The following CARS2 variants were observed in gnomAD, a reference collection of about 807,000 sequenced individuals.
The protein encoded by CARS2 is cysteinyl-tRNA synthetase 2, mitochondrial.
In CARS2, 52 loss-of-function variants were observed where a neutral mutation model predicts 68.8. The ratio of observed to expected loss-of-function variants is 0.76; its 90% confidence interval spans 0.61 to 0.95. The LOEUF is 0.95. CARS2 is among the 40% of genes least tolerant of loss of function. CARS2 has a pLI of 0.00. For synonymous variants in CARS2, 314 were observed against 303.6 expected (o/e 1.03, Z -0.36); for missense variants, 780 against 754.2 (o/e 1.03, Z -0.40).
chr13:110,685,825 A>T (rs571264769), intron 5 of CARS2, among the ~76,000 whole-genome samples: 1 of 152,234 alleles, frequency 6.6e-6, no homozygotes, highest in South Asian at 2.1e-4. Flanking sequence ...CAAAGCAGCA[A>T]AACAGCAAGA....
chr13:110,692,878 A>G (rs150089566), intron 3 of CARS2, among the ~76,000 whole-genome samples: 5,233 of 152,046 alleles, frequency 0.034, 314 homozygotes, highest in African/African-American at 0.12. Context: ...TTGGGAGGAC[A>G]AGGTGGGCAG....
At chr13:110,686,438 G>T (rs1303463188) in intron 5 of CARS2, among the ~76,000 whole-genome samples, 1 of 151,788 alleles carries the variant, frequency 6.6e-6, no homozygotes, top group African/African-American at 2.4e-5. Context: ...GTAGAGAAGG[G>T]GTCTCTCCAT....
intron 9 of CARS2, among the ~76,000 whole-genome samples, chr13:110,662,091 T>G (rs987558779): frequency 6.6e-6 from 1 of 152,234 alleles, no homozygotes; most frequent in Non-Finnish European, 1.5e-5. Context: ...AAACCTTCAA[T>G]CTGTAAAGAC....
At chr13:110,710,617 C>A (rs374693544), upstream of CARS2, among the ~76,000 whole-genome samples, 24 of 152,292 alleles carry the variant, frequency 1.6e-4, no homozygotes, top group African/African-American at 5.5e-4. Context: ...AAATTAAGCA[C>A]CTTTCTTCAA....
chr13:110,651,681 C>A (rs938796617), intron 9 of CARS2, among the ~76,000 whole-genome samples: 15 of 152,358 alleles, frequency 9.8e-5, no homozygotes, highest in Non-Finnish European at 1.9e-4. Context: ...CTGGTTAAAC[C>A]TAAGTAAAAC....
chr13:110,705,223 C>T lies in CARS2; in HGVS notation c.275+298G>A, dbSNP rs550923052. Among the ~76,000 whole-genome samples the T allele has an allele frequency of 2.0e-5, 3 of 152,248 alleles. No individual in the cohort carries two copies. Among genetic ancestry groups the T allele is most frequent in the African/African-American group, 7.2e-5 (3 of 41,546 alleles). On this transcript the variant is annotated intron_variant, in intron 2 of 14. Coordinates refer to ENST00000257347, the MANE Select transcript of CARS2 (RefSeq NM_024537.4). The surrounding 1 kb of genome is among the most constrained non-coding windows in gnomAD (Gnocchi z 4.0). The stretch of plus-strand genomic sequence containing the variant: ...CCAGGAATGACTGATCAGCAGGACC[C>T]CGGGACCCCGCAAAGGCCTCTTGAT...
intron 12 of CARS2, 72 bp from the exon 13 acceptor site, chr13:110,644,555 C>T: frequency 6.3e-7 from 1 of 1,593,592 alleles, no homozygotes; most frequent in Non-Finnish European, 8.6e-7. Flanking sequence ...AATTCAATGT[C>T]AAAAGACAAA....
chr13:110,664,805 G>T, intron 8 of CARS2: 1 of 338,286 alleles, frequency 3.0e-6, no homozygotes, highest in Non-Finnish European at 4.2e-6. Flanking sequence ...AATGGAATCA[G>T]TGCTCTCATA....
In CARS2 at chr13:110,705,860, C is replaced by A. The variant is rs569593326; in HGVS notation, c.224+10G>T. 10 of 1,550,034 alleles carry A rather than the reference C, an allele frequency of 6.5e-6. No individual in the cohort carries two copies. In the East Asian group the frequency reaches 2.2e-4, roughly 34 times the overall value. On this transcript the variant is annotated intron_variant, in intron 1 of 14. Transcript: ENST00000257347. This position sits in a 1 kb window ranked among gnomAD's most constrained non-coding sequence, Gnocchi z 4.0. ...GGCCCCCGCCCGTGCCCCAGTCCCG[C>A]GCGGCCCACCAGGAGGCGGCTTCGG...
chr13:110,660,397 C>A (rs1300317942), intron 9 of CARS2, among the ~76,000 whole-genome samples: 2 of 152,176 alleles, frequency 1.3e-5, no homozygotes, highest in African/African-American at 4.8e-5. Flanking sequence ...TGAATCCTTT[C>A]CAGAAGGTTT....
upstream of CARS2, among the ~76,000 whole-genome samples, chr13:110,709,801 T>C (rs987149783): frequency 6.6e-6 from 1 of 152,138 alleles, no homozygotes; most frequent in Non-Finnish European, 1.5e-5. Flanking sequence ...TAATACACCA[T>C]ATATACATAA....
In CARS2 at chr13:110,663,446, G is replaced by T; in HGVS notation, c.987+5C>A. 1 of 1,611,882 alleles carries T rather than the reference G, an allele frequency of 6.2e-7. No individual in the cohort carries two copies. The highest frequency in any genetic ancestry group is 8.5e-7 in the Non-Finnish European group (1 of 1,179,106). ...CTCAGAGATACAATACAAAAAGCAC[G>T]TTACCTTAATAGTAATGTAGTTCTT... On this transcript the variant is annotated splice_donor_5th_base_variant and intron_variant, in intron 9 of 14. Transcript: ENST00000257347.
rs764102418 is a variant in CARS2, at chr13:110,647,258, T to A, written c.1055-19A>T. On this transcript the variant is annotated intron_variant, in intron 10 of 14. Coordinates refer to ENST00000257347, the MANE Select transcript of CARS2 (RefSeq NM_024537.4). ...TCGATGGCTGAGGAGGAAGAGATGG[T>A]CACTGAGGCGGTGCCCACCATGCTG... 2 of 1,608,040 alleles carry A rather than the reference T, an allele frequency of 1.2e-6. No individual in the cohort carries two copies. Among genetic ancestry groups the A allele is most frequent in the African/African-American group, 2.7e-5 (2 of 74,852 alleles).
chr13:110,658,947 A>G (rs1195233315), intron 9 of CARS2, among the ~76,000 whole-genome samples: 1 of 152,146 alleles, frequency 6.6e-6, no homozygotes, highest in Non-Finnish European at 1.5e-5. Flanking sequence ...ACAAAAAAAG[A>G]AAAACAGACT....
At chr13:110,643,056 T>C (rs562240291) in intron 13 of CARS2, 8 of 311,088 alleles carry the variant, frequency 2.6e-5, no homozygotes, top group East Asian at 1.8e-4. Context: ...TAAATCCATG[T>C]GTGTAAAATA....
chr13:110,706,574 ACACGTCAGCACC>A (rs1054998831), upstream of CARS2: 9 of 152,566 alleles, frequency 5.9e-5, no homozygotes, highest in African/African-American at 1.9e-4. Flanking sequence ...ACCCCAGAAC[ACACGTCAGCACC>A]CCAATACAGT....
At chr13:110,679,597 A>AAGAAAGAAAG (rs1312030282) in intron 6 of CARS2, among the ~76,000 whole-genome samples, 12 of 43,696 alleles carry the variant, frequency 2.7e-4, no homozygotes, top group East Asian at 7.8e-4. Context: ...GAAAGAAAGA[A>AAGAAAGAAAG]AGAGAGAGAG....
chr13:110,682,103 G>A (rs2063174235), intron 6 of CARS2, among the ~76,000 whole-genome samples: 1 of 152,168 alleles, frequency 6.6e-6, no homozygotes, highest in Non-Finnish European at 1.5e-5. Flanking sequence ...GGTGGGGGAT[G>A]CTGACAGTGT....
intron 9 of CARS2, among the ~76,000 whole-genome samples, chr13:110,654,036 C>T (rs1017926561): frequency 2.0e-5 from 3 of 152,156 alleles, no homozygotes; most frequent in African/African-American, 4.8e-5. Flanking sequence ...GCCGGAGGAC[C>T]GGATTGGCCT....
Sources: gnomAD v4.1 joint callset for allele counts (sites outside exome capture counted in the v4.1 genomes callset) on GRCh38, gnomAD v4.1.1 for gene constraint, Gnocchi (gnomAD v3.1) non-coding constraint, MANE v1.5 for transcripts, NCBI Gene and HGNC (gene_info 2026-07-23, HGNC 2026-07-21) for gene names.